The following RBL1 variants were observed in gnomAD, a reference collection of about 807,000 sequenced individuals.
The protein encoded by RBL1 is RB transcriptional corepressor like 1.
RBL1 carries 82 observed loss-of-function variants against 123.0 expected under a neutral mutation model. The observed-to-expected ratio is 0.67, with a 90% CI of 0.56 to 0.80. The LOEUF (loss-of-function observed/expected upper bound fraction) is 0.80. Among genes scored for constraint, RBL1 ranks in the 30% least tolerant of loss-of-function variants. RBL1 has a pLI of 0.00. For missense variants in RBL1, 1,171 were observed against 1,299.6 expected, an observed-to-expected ratio of 0.90 and a Z score of 1.52; for synonymous variants, 405 against 441.3, an observed-to-expected ratio of 0.92 and a Z score of 1.03.
At chr20:37,027,167 G>T (rs1600488744) in intron 16 of RBL1, among the ~76,000 whole-genome samples, 2 of 151,234 alleles carry the variant, frequency 1.3e-5, no homozygotes, top group African/African-American at 4.9e-5. Context: ...GAAACACAGC[G>T]AGACTCCATT....
intron 12 of RBL1, among the ~76,000 whole-genome samples, chr20:37,044,586 G>A (rs1176230896): frequency 1.3e-5 from 2 of 152,066 alleles, no homozygotes; most frequent in African/African-American, 2.4e-5. Flanking sequence ...TGATCTGCCC[G>A]CCTAGGCCTC....
In RBL1 at chr20:37,056,274, G is replaced by C; in HGVS notation, c.1251-16C>G. ...CACACAAGATCTACAAAATACAAGAGGAACCAATTACCAAACCAAACAAAA... is the reference window on the plus strand; with the variant it reads ...CACACAAGATCTACAAAATACAAGACGAACCAATTACCAAACCAAACAAAA... On this transcript the variant is annotated splice_polypyrimidine_tract_variant and intron_variant, in intron 9 of 21. Coordinates refer to ENST00000373664, the MANE Select transcript of RBL1 (RefSeq NM_002895.5). 9 of 1,580,050 alleles carry C rather than the reference G, an allele frequency of 5.7e-6. No individual in the cohort carries two copies. The highest frequency in any genetic ancestry group is 7.7e-6 in the Non-Finnish European group (9 of 1,169,652).
intron 12 of RBL1, among the ~76,000 whole-genome samples, chr20:37,046,063 A>C (rs2064814725): frequency 6.6e-6 from 1 of 152,230 alleles, no homozygotes; most frequent in Non-Finnish European, 1.5e-5. Context: ...TATTTTGAAA[A>C]GATTAACAAA....
chr20:37,075,396 C>T (rs2065347879), intron 2 of RBL1, among the ~76,000 whole-genome samples: 1 of 152,046 alleles, frequency 6.6e-6, no homozygotes, highest in South Asian at 2.1e-4. Flanking sequence ...TACCTCCCCA[C>T]AACACTACTC....
chr20:37,063,239 G>A (rs892134116), intron 7 of RBL1, among the ~76,000 whole-genome samples: 6 of 152,194 alleles, frequency 3.9e-5, no homozygotes, highest in African/African-American at 7.2e-5. Flanking sequence ...CACCATGCCC[G>A]GATAGTTTTT....
chr20:37,000,671 G>T (rs1281666567), intron 21 of RBL1, among the ~76,000 whole-genome samples: 26 of 124,638 alleles, frequency 2.1e-4, no homozygotes, highest in African/African-American at 7.1e-4. Context: ...CCCCTACTGG[G>T]AAGAGAGGAG....
intron 2 of RBL1, among the ~76,000 whole-genome samples, chr20:37,074,936 T>C (rs1333469188): frequency 3.3e-5 from 5 of 152,216 alleles, no homozygotes; most frequent in South Asian, 2.1e-4. Flanking sequence ...CAAATGTTCA[T>C]AGCAACACTA....
chr20:37,059,825 A>G (rs1179941304), intron 9 of RBL1, among the ~76,000 whole-genome samples: 2 of 151,932 alleles, frequency 1.3e-5, no homozygotes, highest in Non-Finnish European at 2.9e-5. Context: ...TCATTCTACC[A>G]TCTTTACCAG....
At chr20:37,003,431 G>T in intron 21 of RBL1, 2 of 448,262 alleles carry the variant, frequency 4.5e-6, no homozygotes, top group Non-Finnish European at 6.3e-6. Context: ...TGCAGGTGTT[G>T]CCTTACTGGT....
At chr20:37,053,949 G>A (rs1568861406) in intron 11 of RBL1, among the ~76,000 whole-genome samples, 1 of 151,832 alleles carries the variant, frequency 6.6e-6, no homozygotes, top group African/African-American at 2.4e-5. Context: ...AACTATAAAG[G>A]GGTAGCAGGA....
At chr20:37,053,793 C>T (rs920814588) in intron 11 of RBL1, among the ~76,000 whole-genome samples, 1 of 152,126 alleles carries the variant, frequency 6.6e-6, no homozygotes, top group Non-Finnish European at 1.5e-5. Context: ...TTACTGTATA[C>T]ATTCTTTTCA....
At chr20:37,010,722 C>A (rs978898938) in intron 19 of RBL1, among the ~76,000 whole-genome samples, 1 of 151,978 alleles carries the variant, frequency 6.6e-6, no homozygotes, top group African/African-American at 2.4e-5. Flanking sequence ...TATGTGTGGA[C>A]CATCACGGAC....
intron 7 of RBL1, among the ~76,000 whole-genome samples, chr20:37,062,645 CAAAAAAAAAA>C: frequency 2.5e-5 from 1 of 40,092 alleles, no homozygotes; most frequent in African/African-American, 1.0e-4. Context: ...GACTCTGTCT[CAAAAAAAAAA>C]AAAAAAAAAA....
chr20:37,028,346 C>A (rs2064457092), intron 16 of RBL1, among the ~76,000 whole-genome samples: 1 of 151,962 alleles, frequency 6.6e-6, no homozygotes, highest in South Asian at 2.1e-4. Flanking sequence ...GCTTGGTAGA[C>A]AGAGTAAGAC....
intron 12 of RBL1, among the ~76,000 whole-genome samples, chr20:37,045,349 G>A (rs1306878099): frequency 1.3e-5 from 2 of 151,910 alleles, no homozygotes; most frequent in African/African-American, 2.4e-5. Flanking sequence ...CTCATGATCC[G>A]CCCGCCTTGG....
chr20:37,011,049 G>C (rs930262577), intron 19 of RBL1, among the ~76,000 whole-genome samples: 6 of 151,940 alleles, frequency 3.9e-5, no homozygotes, highest in African/African-American at 1.5e-4. Context: ...TTAATTTCCG[G>C]GCTCAAGGGA....
At chr20:37,046,777 T>G (rs916100415) in intron 12 of RBL1, among the ~76,000 whole-genome samples, 17 of 151,964 alleles carry the variant, frequency 1.1e-4, no homozygotes, top group Middle Eastern at 3.4e-3. Context: ...CCTGGCTAAT[T>G]TTTTTTGGTA....
At chr20:37,001,562 G>A (rs1012628411) in intron 21 of RBL1, among the ~76,000 whole-genome samples, 1 of 151,688 alleles carries the variant, frequency 6.6e-6, no homozygotes, top group Non-Finnish European at 1.5e-5. Flanking sequence ...CTTGAAGGCA[G>A]CATGCTCGTT....
At chr20:37,073,227 T>C (rs959568886) in intron 2 of RBL1, among the ~76,000 whole-genome samples, 1 of 152,208 alleles carries the variant, frequency 6.6e-6, no homozygotes, top group Non-Finnish European at 1.5e-5. Context: ...TAATCCATTG[T>C]ACATACTACT....
Sources: gnomAD v4.1 joint callset for allele counts (sites outside exome capture counted in the v4.1 genomes callset) on GRCh38, gnomAD v4.1.1 for gene constraint, MANE v1.5 for transcripts, NCBI Gene and HGNC (gene_info 2026-07-23, HGNC 2026-07-21) for gene names.